METTL8: variants seen among roughly 807,000 people sequenced by gnomAD.
The protein encoded by METTL8 is methyltransferase 8, tRNA N3-cytidine, also known as tRNA N(3)-cytidine methyltransferase METTL8, mitochondrial.
A neutral mutation model predicts 48.7 loss-of-function variants in METTL8; 32 were observed. The observed-to-expected ratio is 0.66, with a 90% CI of 0.50 to 0.88. The LOEUF (loss-of-function observed/expected upper bound fraction) is 0.88, where lower values mean the gene tolerates loss of function less well. METTL8 is among the 40% of genes least tolerant of loss of function. The pLI is 0.00. For synonymous variants in METTL8, 136 were observed against 157.1 expected (o/e 0.87, Z 1.01); for missense variants, 464 against 474.4 (o/e 0.98, Z 0.20).
At chr2:171,346,856 A>T (rs943435563) in intron 3 of METTL8, among the ~76,000 whole-genome samples, 1 of 152,214 alleles carries the variant, frequency 6.6e-6, no homozygotes, top group Non-Finnish European at 1.5e-5. Flanking sequence ...AGCCTCACCC[A>T]GGGTGCTGCA....
intron 1 of METTL8, among the ~76,000 whole-genome samples, chr2:171,411,233 A>T (rs1245408756): frequency 6.6e-6 from 1 of 152,248 alleles, no homozygotes; most frequent in Non-Finnish European, 1.5e-5. Flanking sequence ...CAAATCATCT[A>T]TAAAATTAAA....
intron 2 of METTL8, among the ~76,000 whole-genome samples, chr2:171,381,481 G>A (rs1687529415): frequency 6.6e-6 from 1 of 152,086 alleles, no homozygotes; most frequent in Admixed American, 6.5e-5. Context: ...CCTACAGAAT[G>A]GGAGAAAATT....
intron 6 of METTL8, 43 bp from the exon 7 acceptor site, chr2:171,330,741 G>T: frequency 6.7e-7 from 1 of 1,503,282 alleles, no homozygotes; most frequent in Non-Finnish European, 8.9e-7. Context: ...GGACTTAGTA[G>T]ACTTCCGGGA....
chr2:171,400,681 C>T (rs1035564759), intron 1 of METTL8, among the ~76,000 whole-genome samples: 2 of 152,186 alleles, frequency 1.3e-5, no homozygotes, highest in African/African-American at 2.4e-5. Flanking sequence ...AACATTTTAA[C>T]ACCCACGTCT....
intron 5 of METTL8, 68 bp from the exon 6 acceptor site, chr2:171,331,935 G>T: frequency 1.7e-6 from 2 of 1,195,104 alleles, no homozygotes; most frequent in South Asian, 1.3e-5. Context: ...GCCCAGGTTG[G>T]AGTGTAGTAA....
At position 171,368,988 on chromosome 2, in the gene METTL8, C is replaced by A. The variant is rs572411066; in HGVS notation, c.144-8475G>T. ...TAGTGTAATATCAAAAAAAACCCCA[C>A]AATTATCTGATAAAGGCTATTAAAA... On this transcript the variant is annotated intron_variant, in intron 2 of 9. Transcript: ENST00000375258. Among the ~76,000 whole-genome samples, 172 of 152,208 alleles carry A rather than the reference C, an allele frequency of 1.1e-3. 4 individuals carry two copies. The South Asian group carries it at 0.034, about 30-fold the overall frequency.
At chr2:171,358,307 T>C (rs1684800907) in intron 3 of METTL8, among the ~76,000 whole-genome samples, 1 of 148,772 alleles carries the variant, frequency 6.7e-6, no homozygotes, top group Non-Finnish European at 1.5e-5. Context: ...GCTGAGATCC[T>C]GCCATTGCAC....
At chr2:171,347,608 G>A (rs1178821894) in intron 3 of METTL8, among the ~76,000 whole-genome samples, 2 of 152,182 alleles carry the variant, frequency 1.3e-5, no homozygotes, top group African/African-American at 4.8e-5. Context: ...AATGAATTAA[G>A]ATGGCTGACA....
At chr2:171,406,579 C>T (rs896000174) in intron 1 of METTL8, among the ~76,000 whole-genome samples, 1 of 152,142 alleles carries the variant, frequency 6.6e-6, no homozygotes, top group African/African-American at 2.4e-5. Flanking sequence ...TATAAGGACA[C>T]CAGTTCTATT....
chr2:171,393,077 C>T (rs1688729953), intron 1 of METTL8, among the ~76,000 whole-genome samples: 2 of 151,966 alleles, frequency 1.3e-5, no homozygotes, highest in African/African-American at 2.4e-5. Flanking sequence ...GCACTCCCGC[C>T]TGGGCAACAG....
chr2:171,396,193 C>T (rs1025770847), intron 1 of METTL8, among the ~76,000 whole-genome samples: 1 of 151,830 alleles, frequency 6.6e-6, no homozygotes, highest in African/African-American at 2.4e-5. Context: ...ACCCAGGAGG[C>T]GGAGGTTGCA....
Position 171,331,793 on chromosome 2 carries a change from G to T in METTL8, c.720+11C>A. ...AGGCATCAGTTGGTATGATTCCCAG[G>T]AGTAGCATACCTTTACGAGCTCCAC... is the stretch of plus-strand genomic sequence containing the variant. On this transcript the variant is annotated intron_variant, in intron 6 of 9. Transcript: ENST00000375258. 2 of 1,595,226 alleles carry T rather than the reference G, an allele frequency of 1.3e-6. No individual in the cohort carries two copies. The highest frequency in any genetic ancestry group is 1.7e-6 in the Non-Finnish European group (2 of 1,167,934).
chr2:171,329,294 C>T (rs544659302), intron 7 of METTL8, among the ~76,000 whole-genome samples: 1 of 152,364 alleles, frequency 6.6e-6, no homozygotes, highest in East Asian at 1.9e-4. Context: ...CCTGGCCTTT[C>T]TCTTCTCTAT....
intron 1 of METTL8, among the ~76,000 whole-genome samples, chr2:171,408,347 T>G (rs1014334169): frequency 1.3e-5 from 2 of 149,410 alleles, no homozygotes; most frequent in Non-Finnish European, 3.0e-5. Flanking sequence ...CAGGCTGGAG[T>G]GCAATGGCAA....
Position 171,389,639 on chromosome 2 carries a change from A to T in METTL8, c.143+2404T>A, listed in dbSNP as rs1200835804. On this transcript the variant is annotated intron_variant, in intron 2 of 9. Transcript: ENST00000375258. ...GTCTGCATAAAAGATAAAACCAGCCACAATATTCCCATAAGCCAAAGCCTA... is the reference window on the plus strand; with the variant it reads ...GTCTGCATAAAAGATAAAACCAGCCTCAATATTCCCATAAGCCAAAGCCTA... Among the ~76,000 whole-genome samples, 3 of 152,092 alleles carry T rather than the reference A, an allele frequency of 2.0e-5. No homozygotes were observed. In the East Asian group the frequency reaches 5.8e-4, roughly 29 times the overall value.
intron 2 of METTL8, among the ~76,000 whole-genome samples, chr2:171,386,356 T>G (rs563074875): frequency 1.3e-5 from 2 of 152,354 alleles, no homozygotes; most frequent in East Asian, 3.9e-4. Context: ...GAAAATGGTT[T>G]AATGGAGCAG....
In METTL8 at chr2:171,318,738, G is replaced by C. The variant is rs962644800; in HGVS notation, c.*5434C>G. The C allele has an allele frequency of 2.0e-5, 3 of 151,956 alleles. No individual in the cohort carries two copies. Among genetic ancestry groups the C allele is most frequent in the Admixed American group, 2.0e-4 (3 of 15,236 alleles). 9.4% of individuals were successfully genotyped at this position (151,956 alleles called of 1,614,324 possible). A position where few individuals can be genotyped will look rare whatever the true frequency, so the allele number is the denominator to read the frequency against. On this transcript the variant is annotated 3_prime_UTR_variant, in exon 10 of 10. Transcript: ENST00000375258. The stretch of plus-strand genomic sequence containing the variant: ...TGAGCCATAACCTTGAAGGTCGTCT[G>C]AAACAAACTCCTCTCCACTGCTATC...
At position 171,334,071 on chromosome 2, in the gene METTL8, TAAAACAAAAC is replaced by T. The variant is rs148818231; in HGVS notation, c.657-2214_657-2205del. Reference sequence around the variant, plus strand: ...GAGCTTAAAAACTAACATAGTCCTCTAAAACAAAACAAAACAAAACAAAACAAAACAAAAC... The same window carrying T: ...GAGCTTAAAAACTAACATAGTCCTCTAAAACAAAACAAAACAAAACAAAAC... On this transcript the variant is annotated intron_variant, in intron 5 of 9. Transcript: ENST00000375258. Among the ~76,000 whole-genome samples, 344 of 150,830 alleles carry T rather than the reference TAAAACAAAAC, an allele frequency of 2.3e-3. 3 individuals are homozygous for T. The highest frequency in any genetic ancestry group is 2.9e-3 in the African/African-American group (118 of 40,898).
intron 2 of METTL8, among the ~76,000 whole-genome samples, chr2:171,370,423 C>A (rs998621185): frequency 1.1e-4 from 17 of 152,218 alleles, no homozygotes; most frequent in South Asian, 6.2e-4. Flanking sequence ...TATAGGTTAG[C>A]CCTGATGTAT....
Sources: allele counts gnomAD v4.1 joint callset (sites outside exome capture counted in the v4.1 genomes callset), GRCh38; gene constraint gnomAD v4.1.1; transcripts MANE v1.5; gene names NCBI Gene and HGNC (gene_info 2026-07-23, HGNC 2026-07-21).